HTRA1: variants seen among roughly 807,000 people sequenced by gnomAD.
HTRA1 encodes the protein HtrA serine peptidase 1.
A neutral mutation model predicts 49.7 loss-of-function variants in HTRA1; 26 were observed. The observed-to-expected ratio is 0.52, with a 90% CI of 0.38 to 0.73. The LOEUF (loss-of-function observed/expected upper bound fraction) is 0.73, where lower values mean the gene tolerates loss of function less well. Among genes scored for constraint, HTRA1 ranks in the 30% least tolerant of loss-of-function variants. The pLI, the probability that HTRA1 is intolerant of heterozygous loss-of-function variation, is 0.00. For synonymous variants in HTRA1, 291 were observed against 286.9 expected (o/e 1.01, Z -0.14); for missense variants, 561 against 667.2 (o/e 0.84, Z 1.75).
chr10:122,502,780 A>G (rs2097501484), intron 3 of HTRA1, among the ~76,000 whole-genome samples: 1 of 152,198 alleles, frequency 6.6e-6, no homozygotes, highest in Non-Finnish European at 1.5e-5. Flanking sequence ...TTGAGCTACA[A>G]GATCTTTTAG....
At chr10:122,510,259 G>C in intron 7 of HTRA1, 106 bp downstream of exon 7, 1 of 881,016 alleles carries the variant, frequency 1.1e-6, no homozygotes. Context: ...GCCTTAAGAC[G>C]TCTCAGTTTC....
chr10:122,496,256 T>TA (rs1282661426), intron 3 of HTRA1, among the ~76,000 whole-genome samples: 3 of 132,572 alleles, frequency 2.3e-5, no homozygotes, highest in East Asian at 4.5e-4. Context: ...TTTTTTTTTT[T>TA]TTTGCAGAGA....
intron 3 of HTRA1, among the ~76,000 whole-genome samples, chr10:122,491,087 G>C (rs185103143): frequency 6.2e-4 from 95 of 152,348 alleles, no homozygotes; most frequent in African/African-American, 1.9e-3. Flanking sequence ...ATCTTTCAAA[G>C]TGTGTTTATT....
intron 1 of HTRA1, among the ~76,000 whole-genome samples, chr10:122,468,351 A>T (rs1485393367): frequency 6.6e-6 from 1 of 152,208 alleles, no homozygotes; most frequent in Non-Finnish European, 1.5e-5. Context: ...AACGCAAAGC[A>T]CTGTGCCTGA....
At chr10:122,512,514 A>C (rs1419372105) in intron 8 of HTRA1, among the ~76,000 whole-genome samples, 2 of 152,130 alleles carry the variant, frequency 1.3e-5, no homozygotes, top group African/African-American at 2.4e-5. Flanking sequence ...AAGTGATATC[A>C]AAGTAACATG....
intron 1 of HTRA1, among the ~76,000 whole-genome samples, chr10:122,463,584 C>T (rs1259184720): frequency 6.6e-6 from 1 of 152,180 alleles, no homozygotes; most frequent in East Asian, 1.9e-4. Flanking sequence ...CTCACTGCAG[C>T]CTCCGACCCC....
intron 1 of HTRA1, among the ~76,000 whole-genome samples, chr10:122,465,140 TAGACCTC>T (rs2097483279): frequency 6.6e-6 from 1 of 152,152 alleles, no homozygotes; most frequent in African/African-American, 2.4e-5. Context: ...GTTTATTGAA[TAGACCTC>T]AGAGAACATC....
intron 3 of HTRA1, among the ~76,000 whole-genome samples, chr10:122,491,532 C>T (rs149070156): frequency 0.014 from 2,188 of 152,338 alleles, 20 homozygotes; most frequent in Non-Finnish European, 0.023. Context: ...GGCCTGGACG[C>T]CGCCCCCACT....
At chr10:122,504,746 G>A (rs990032917) in intron 3 of HTRA1, among the ~76,000 whole-genome samples, 1 of 152,226 alleles carries the variant, frequency 6.6e-6, no homozygotes, top group African/African-American at 2.4e-5. Context: ...TGCCTGGCAG[G>A]GGCTGCTGGC....
In HTRA1 at chr10:122,490,324, C is replaced by G. The variant is rs2097495160; in HGVS notation, c.777+698C>G. Among the ~76,000 whole-genome samples the G allele has an allele frequency of 6.6e-6, 1 of 152,088 alleles. No individual in the cohort carries two copies. The highest frequency in any genetic ancestry group is 2.1e-4 in the South Asian group (1 of 4,818). On this transcript the variant is annotated intron_variant, in intron 3 of 8. Transcript: ENST00000368984. The surrounding 1 kb of genome is among the most constrained non-coding windows in gnomAD (Gnocchi z 4.2). ...TGGGGGCAGGCAGAACTGAGACATA[C>G]CAAAATCAGTTTGGGAAATGCTGTA...
rs918537972 is a variant in HTRA1, at chr10:122,494,384, C to T, written c.777+4758C>T. Among the ~76,000 whole-genome samples the T allele has an allele frequency of 2.0e-5, 3 of 152,150 alleles. No individual in the cohort carries two copies. The highest frequency in any genetic ancestry group is 7.2e-5 in the African/African-American group (3 of 41,452). ...GGGGCTCCTGCATCGAGCTTCCCTCCTATATTCAATGAGGAAATGACCCTG... is the reference window on the plus strand; with the variant it reads ...GGGGCTCCTGCATCGAGCTTCCCTCTTATATTCAATGAGGAAATGACCCTG... On this transcript the variant is annotated intron_variant, in intron 3 of 8. Transcript: ENST00000368984. This position sits in a 1 kb window ranked among gnomAD's most constrained non-coding sequence, Gnocchi z 4.0.
In HTRA1 at chr10:122,482,382, C is replaced by G. The variant is rs151116984; in HGVS notation, c.473-6520C>G. On this transcript the variant is annotated intron_variant, in intron 1 of 8. Transcript: ENST00000368984. The stretch of plus-strand genomic sequence containing the variant: ...GATGTAGTGTGATCTGATTTCAAAA[C>G]TATGATCAATCTAGAGCTAGTTTAC... Among the ~76,000 whole-genome samples, 590 of 152,188 alleles carry G rather than the reference C, an allele frequency of 3.9e-3. 2 individuals are homozygous for G. The highest frequency in any genetic ancestry group is 0.013 in the African/African-American group (560 of 41,518).
At chr10:122,471,488 C>T (rs1414984248) in intron 1 of HTRA1, among the ~76,000 whole-genome samples, 2 of 152,204 alleles carry the variant, frequency 1.3e-5, no homozygotes, top group East Asian at 3.8e-4. Flanking sequence ...CACATCAACT[C>T]CCTGTTTGCA....
chr10:122,491,198 C>T (rs865964286), intron 3 of HTRA1, among the ~76,000 whole-genome samples: 2 of 152,316 alleles, frequency 1.3e-5, no homozygotes, highest in Middle Eastern at 3.4e-3. Flanking sequence ...AACAGGGGCT[C>T]AGAGAAGTCT....
rs118184293 is a variant in HTRA1 at position 122,486,825 on chromosome 10, A to G, written c.473-2077A>G. Among the ~76,000 whole-genome samples the G allele has an allele frequency of 1.0e-3, 153 of 152,022 alleles. No individual in the cohort carries two copies. In the East Asian group the frequency reaches 0.016, roughly 16 times the overall value. ...GACTGTATGTATGTGCACATCTGTG[A>G]GTATATGAATGTGTGTGGAAGTGTG... On this transcript the variant is annotated intron_variant, in intron 1 of 8. Transcript: ENST00000368984.
At chr10:122,467,463 C>G (rs187250993) in intron 1 of HTRA1, among the ~76,000 whole-genome samples, 1 of 152,210 alleles carries the variant, frequency 6.6e-6, no homozygotes, top group Non-Finnish European at 1.5e-5. Context: ...GTGGTCACCT[C>G]ATTCCTAATT....
intron 3 of HTRA1, among the ~76,000 whole-genome samples, chr10:122,489,919 T>C (rs1426293513): frequency 6.6e-6 from 1 of 152,158 alleles, no homozygotes; most frequent in Non-Finnish European, 1.5e-5. Context: ...TAGTGAAAAT[T>C]GATTCTCCTT....
Position 122,482,578 on chromosome 10 carries a change from G to T in HTRA1, c.473-6324G>T, listed in dbSNP as rs112188922. Among the ~76,000 whole-genome samples, 619 of 152,124 alleles carry T rather than the reference G, an allele frequency of 4.1e-3. 9 individuals are homozygous for T. Among genetic ancestry groups the T allele is most frequent in the African/African-American group, 0.014 (571 of 41,504 alleles). On this transcript the variant is annotated intron_variant, in intron 1 of 8. Coordinates refer to ENST00000368984, the MANE Select transcript of HTRA1 (RefSeq NM_002775.5). ...CCTGCCTCAGATCTAATCTTTACCT[G>T]GCATTTTTGCCTTAAAGATGAAAGA...
intron 3 of HTRA1, among the ~76,000 whole-genome samples, chr10:122,497,983 T>C (rs569950443): frequency 3.3e-5 from 5 of 152,300 alleles, no homozygotes; most frequent in South Asian, 4.1e-4. Flanking sequence ...CGGGCCCCCA[T>C]GTGGCACTGT....
Sources: allele counts gnomAD v4.1 joint callset (sites outside exome capture counted in the v4.1 genomes callset), GRCh38; gene constraint gnomAD v4.1.1; non-coding constraint Gnocchi (gnomAD v3.1); transcripts MANE v1.5; gene names NCBI Gene and HGNC (gene_info 2026-07-23, HGNC 2026-07-21).